Variants in ACADM observed in about 807,000 individuals in gnomAD.
The protein encoded by ACADM is medium-chain specific acyl-CoA dehydrogenase, mitochondrial.
ACADM carries 49 observed loss-of-function variants against 58.9 expected under a neutral mutation model. That is an observed-to-expected ratio of 0.83 (90% CI 0.66 to 1.06). The LOEUF is 1.06. Ranked by LOEUF, ACADM falls within the 50% of genes least tolerant of loss-of-function variation. The pLI, the probability that ACADM is intolerant of heterozygous loss-of-function variation, is 0.00. For missense variants in ACADM, 496 were observed against 507.0 expected (o/e 0.98, Z 0.21); for synonymous variants, 160 against 157.7 (o/e 1.01, Z -0.11).
intron 10 of ACADM, among the ~76,000 whole-genome samples, chr1:75,752,393 A>C (rs945179746): frequency 6.6e-6 from 1 of 152,210 alleles, no homozygotes; most frequent in African/African-American, 2.4e-5. Context: ...AAAAGTGTCT[A>C]AATGCTTATT....
In ACADM at chr1:75,734,804, T is replaced by G. The variant is rs1480293795; in HGVS notation, c.401T>G (p.Ile134Ser). Reference protein sequence around the residue: ...EGNSLGQMPIIIAGNDQQKKK... With the variant: ...EGNSLGQMPISIAGNDQQKKK... ...TTTCTTCGGTAGCAAATGCCTATTATTATTGCTGGAAATGATCAACAAAAG... is the reference window on the plus strand; with the variant it reads ...TTTCTTCGGTAGCAAATGCCTATTAGTATTGCTGGAAATGATCAACAAAAG... Residue 134 changes from isoleucine to serine, a missense_variant, in exon 6 of 12, where the codon ATT (isoleucine) becomes AGT (serine). Ile to Ser is a moderately radical substitution (Grantham distance 142). Coordinates refer to ENST00000370841, the MANE Select transcript of ACADM (RefSeq NM_000016.6). 1 of 1,613,520 alleles carries G rather than the reference T, an allele frequency of 6.2e-7. No homozygotes were observed. Among genetic ancestry groups the G allele is most frequent in the South Asian group, 1.1e-5 (1 of 91,040 alleles).
chr1:75,737,508 A>C (rs1647338032), intron 6 of ACADM, among the ~76,000 whole-genome samples: 1 of 151,776 alleles, frequency 6.6e-6, no homozygotes, highest in African/African-American at 2.4e-5. Flanking sequence ...AGGTGGTTAA[A>C]ACAAAATTTT....
Position 75,732,852 on chromosome 1 carries a change from G to A in ACADM, c.217-1G>A, listed in dbSNP as rs1570861829. 2 of 1,612,826 alleles carry A rather than the reference G, an allele frequency of 1.2e-6. No individual in the cohort carries two copies. Among genetic ancestry groups the A allele is most frequent in the African/African-American group, 2.7e-5 (2 of 74,992 alleles). ...TTTTAACTCAGTTCTTTTTCTTCTA[G>A]TATCCAGTCCCCCTAATTAGAAGAG... On this transcript the variant is annotated splice_acceptor_variant, in intron 3 of 11. Coordinates refer to ENST00000370841, the MANE Select transcript of ACADM (RefSeq NM_000016.6). LOFTEE classifies it high-confidence loss of function.
intron 9 of ACADM, among the ~76,000 whole-genome samples, chr1:75,750,157 A>G (rs988396207): frequency 7.2e-5 from 11 of 152,166 alleles, no homozygotes; most frequent in African/African-American, 2.7e-4. Flanking sequence ...TCCTGTTAAT[A>G]TGTACTCATT....
chr1:75,731,140 G>T (rs1247649436), intron 2 of ACADM, among the ~76,000 whole-genome samples: 1 of 151,626 alleles, frequency 6.6e-6, no homozygotes, highest in Non-Finnish European at 1.5e-5. Context: ...TTAGCCGGGC[G>T]CGGTGGCAGG....
Position 75,744,070 on chromosome 1 carries a change from CT to C in ACADM, c.600-1735del, listed in dbSNP as rs1300002173. 3.8e-6 allele frequency: 6 copies of C among 1,587,042 alleles called. No homozygotes were observed. The East Asian group carries it at 1.1e-4, about 29-fold the overall frequency. On this transcript the variant is annotated intron_variant, in intron 7 of 11. Transcript: ENST00000370841. ...ATGTATTCTGGGCCTCCTTCAGACG[CT>C]GAGCAATGCACTGCCGCATCCTGTT...
chr1:75,734,747 C>A, intron 5 of ACADM, 44 bp from the exon 6 acceptor site: 1 of 1,415,216 alleles, frequency 7.1e-7, no homozygotes, highest in Non-Finnish European at 1.0e-6. Context: ...TTTACATATC[C>A]AATAAAAATG....
At chr1:75,742,112 A>G (rs1228413157) in intron 7 of ACADM, among the ~76,000 whole-genome samples, 2 of 152,202 alleles carry the variant, frequency 1.3e-5, no homozygotes, top group African/African-American at 4.8e-5. Flanking sequence ...ACAGAGTAGT[A>G]GATGCTGCAG....
rs192409713 is a variant in ACADM, at chr1:75,734,360, A to G, written c.388-431A>G. Among the ~76,000 whole-genome samples the G allele has an allele frequency of 1.2e-3, 167 of 143,652 alleles. 1 individual carries two copies. The highest frequency in any genetic ancestry group is 3.8e-3 in the African/African-American group (150 of 39,056). 94.2% of individuals were successfully genotyped at this position (143,652 alleles called of 152,430 possible). On this transcript the variant is annotated intron_variant, in intron 5 of 11. Coordinates refer to ENST00000370841, the MANE Select transcript of ACADM (RefSeq NM_000016.6). ...TTTTTTTTTTTTTTGTATTTTTAGT[A>G]GAGACGGGGTGTCACCCTGTTGGCC...
rs1647020485 is a variant in ACADM, at chr1:75,724,792, C to T, written c.5C>T (p.Ala2Val). Residue 2 changes from alanine to valine, a missense_variant, in exon 1 of 12, where the codon GCA (alanine) becomes GTA (valine). Physicochemically the swap from Ala to Val is moderately conservative, Grantham distance 64 (BLOSUM62 0). Coordinates refer to ENST00000370841, the MANE Select transcript of ACADM (RefSeq NM_000016.6). ...GTGGCCGGAACGGGAGCCAACATGG[C>T]AGCGGGGTTCGGGCGATGCTGCAGG... is the stretch of plus-strand genomic sequence containing the variant. M[A>V]AGFGRCCRVL... The T allele has an allele frequency of 2.0e-6, 3 of 1,523,138 alleles. No homozygotes were observed. The highest frequency in any genetic ancestry group is 2.6e-6 in the Non-Finnish European group (3 of 1,133,686). The allele number at this position is 1,523,138 out of a possible 1,614,324, so 94.4% of individuals were successfully genotyped here.
At position 75,742,965 on chromosome 1, in the gene ACADM, T is replaced by C. The variant is rs1008450702; in HGVS notation, c.600-2841T>C. ...CCCTCCATACAAGTGGAATCGAGAA[T>C]GTGCACAGCCAGGACAGAGGCTGCT... On this transcript the variant is annotated intron_variant, in intron 7 of 11. Coordinates refer to ENST00000370841, the MANE Select transcript of ACADM (RefSeq NM_000016.6). 3.9e-5 allele frequency among the ~76,000 whole-genome samples: 6 copies of C among 152,294 alleles called. No homozygotes were observed. In the East Asian group the frequency reaches 7.7e-4, roughly 20 times the overall value.
intron 10 of ACADM, among the ~76,000 whole-genome samples, chr1:75,753,068 G>A (rs1381631836): frequency 2.0e-5 from 3 of 152,164 alleles, no homozygotes; most frequent in Non-Finnish European, 2.9e-5. Flanking sequence ...GTGAGACCCT[G>A]TCTCAAAACA....
chr1:75,733,594 G>A lies in ACADM; in HGVS notation c.353G>A (p.Gly118Glu). ...ISEELAYGCT[G>E]VQTAIEGNSL... is the part of the protein sequence containing the mutation. ...GAAGAATTGGCTTATGGATGTACAGGGGTTCAGACTGCTATTGAAGGAAAT... is the reference window on the plus strand; with the variant it reads ...GAAGAATTGGCTTATGGATGTACAGAGGTTCAGACTGCTATTGAAGGAAAT... Residue 118 changes from glycine (G) to glutamate (E), a missense_variant, in exon 5 of 12, where the codon GGG becomes GAG. Transcript: ENST00000370841. 4 of 1,614,052 alleles carry A rather than the reference G, an allele frequency of 2.5e-6. No individual in the cohort carries two copies. The highest frequency in any genetic ancestry group is 2.2e-5 in the South Asian group (2 of 91,068).
chr1:75,738,668 C>T lies in ACADM; in HGVS notation c.469-1312C>T, dbSNP rs186978715. On this transcript the variant is annotated intron_variant, in intron 6 of 11. Transcript: ENST00000370841. ...GCATGTTGACCAGGCTGGTCTTGAACTCCTGGTCTCAAGCGATCCTCCCAT... is the reference window on the plus strand; with the variant it reads ...GCATGTTGACCAGGCTGGTCTTGAATTCCTGGTCTCAAGCGATCCTCCCAT... Among the ~76,000 whole-genome samples, 26 of 152,204 alleles carry T rather than the reference C, an allele frequency of 1.7e-4. No individual in the cohort carries two copies. In the East Asian group the frequency reaches 4.8e-3, roughly 28 times the overall value.
At chr1:75,735,610 T>C (rs548185012) in intron 6 of ACADM, among the ~76,000 whole-genome samples, 5 of 152,220 alleles carry the variant, frequency 3.3e-5, no homozygotes, top group African/African-American at 1.2e-4. Context: ...CCCAGCACTT[T>C]GAGAGTCTGA....
intron 11 of ACADM, among the ~76,000 whole-genome samples, chr1:75,762,039 T>A (rs550160971): frequency 8.5e-5 from 13 of 152,354 alleles, no homozygotes; most frequent in African/African-American, 2.9e-4. Context: ...CCTCTCCATG[T>A]AGACATGAAA....
chr1:75,755,990 G>A (rs1570901765), intron 10 of ACADM, among the ~76,000 whole-genome samples: 1 of 152,198 alleles, frequency 6.6e-6, no homozygotes, highest in African/African-American at 2.4e-5. Flanking sequence ...CTCAATAGAT[G>A]CAGAAAAGGC....
chr1:75,743,448 C>T, intron 7 of ACADM: 1 of 1,610,732 alleles, frequency 6.2e-7, no homozygotes, highest in Non-Finnish European at 8.5e-7. Context: ...CTCTGGGATC[C>T]TCTACCGCTG....
intron 10 of ACADM, among the ~76,000 whole-genome samples, chr1:75,755,655 G>A (rs1648464297): frequency 6.6e-6 from 1 of 152,184 alleles, no homozygotes; most frequent in South Asian, 2.1e-4. Flanking sequence ...ACAAAGATGG[G>A]GAGAAACCAG....
Sources: gnomAD v4.1 joint callset for allele counts (sites outside exome capture counted in the v4.1 genomes callset) on GRCh38, gnomAD v4.1.1 for gene constraint, MANE v1.5 for transcripts, NCBI Gene and HGNC (gene_info 2026-07-23, HGNC 2026-07-21) for gene names.